The following DIAPH2 variants were observed in gnomAD, a reference collection of about 807,000 sequenced individuals.
DIAPH2 encodes the protein protein diaphanous homolog 2.
Under a neutral mutation model 92.7 loss-of-function variants are expected in DIAPH2, and 35 were observed. The ratio of observed to expected loss-of-function variants is 0.38; its 90% CI spans 0.29 to 0.50. The LOEUF (loss-of-function observed/expected upper bound fraction) is 0.50, where lower values mean the gene tolerates loss of function less well. Among genes scored for constraint, DIAPH2 ranks in the 20% least tolerant of loss-of-function variants. The pLI is 0.94. For missense variants in DIAPH2, 701 were observed against 819.5 expected, an observed-to-expected ratio of 0.86 and a Z score of 1.77; for synonymous variants, 301 against 280.4, an observed-to-expected ratio of 1.07 and a Z score of -0.73.
chrX:97,506,409 C>G (rs1040810738), intron 26 of DIAPH2, among the ~76,000 whole-genome samples: 5 of 105,868 alleles, frequency 4.7e-5, no homozygotes, highest in Admixed American at 2.1e-4. Flanking sequence ...CCTTGGCCCC[C>G]GAAAGTGCTG....
At chrX:97,159,292 A>G (rs1403081946) in intron 22 of DIAPH2, among the ~76,000 whole-genome samples, 2 of 112,325 alleles carry the variant, frequency 1.8e-5, no homozygotes, top group Non-Finnish European at 3.8e-5. Context: ...TGTAGTAAAC[A>G]TTTAAATTAA....
chrX:97,000,393 T>G (rs1161259183), intron 17 of DIAPH2, among the ~76,000 whole-genome samples: 1 of 112,305 alleles, frequency 8.9e-6, no homozygotes, highest in East Asian at 2.8e-4. Context: ...CACGACTCAT[T>G]TAATCCCGCA....
chrX:96,754,954 G>GAAAAAAAAAAAAAAAAAAAAAAAAA (rs2064216966), intron 3 of DIAPH2, among the ~76,000 whole-genome samples: 1 of 82,347 alleles, frequency 1.2e-5, no homozygotes, highest in Non-Finnish European at 2.5e-5. Context: ...AAAAAAAAAG[G>GAAAAAAAAAAAAAAAAAAAAAAAAA]AAATAGATAC....
chrX:97,446,766 T>C (rs1479410308), intron 26 of DIAPH2, among the ~76,000 whole-genome samples: 3 of 109,950 alleles, frequency 2.7e-5, no homozygotes, highest in Non-Finnish European at 5.7e-5. Context: ...ATTTTAATTA[T>C]GCATAACTTC....
chrX:97,343,503 T>C (rs2069129709), intron 23 of DIAPH2, among the ~76,000 whole-genome samples: 1 of 110,831 alleles, frequency 9.0e-6, no homozygotes, highest in African/African-American at 3.3e-5. Context: ...ACCCCATCTC[T>C]ACTAAAAATA....
At chrX:97,448,074 A>G (rs2070328081) in intron 26 of DIAPH2, among the ~76,000 whole-genome samples, 1 of 112,424 alleles carries the variant, frequency 8.9e-6, no homozygotes, top group African/African-American at 3.2e-5. Context: ...AAAAGAAGGC[A>G]GATTTAACTT....
intron 17 of DIAPH2, among the ~76,000 whole-genome samples, chrX:97,039,538 T>G (rs2066434339): frequency 9.0e-6 from 1 of 111,356 alleles, no homozygotes; most frequent in African/African-American, 3.3e-5. Context: ...TCAAGAGAAA[T>G]TATACAAGTG....
At chrX:97,344,805 T>C (rs1211899336) in intron 23 of DIAPH2, among the ~76,000 whole-genome samples, 4 of 112,610 alleles carry the variant, frequency 3.6e-5, no homozygotes, top group East Asian at 2.8e-4. Flanking sequence ...AATTGTGTTA[T>C]GATAAATGGG....
At chrX:97,102,060 C>T (rs189272983) in intron 20 of DIAPH2, among the ~76,000 whole-genome samples, 128 of 112,166 alleles carry the variant, frequency 1.1e-3, no homozygotes, top group Admixed American at 6.2e-3. Flanking sequence ...ATATGGAAAA[C>T]CTCCGGTGTC....
At chrX:97,518,546 TTGTG>T (rs1385318288) in intron 26 of DIAPH2, among the ~76,000 whole-genome samples, 2 of 109,717 alleles carry the variant, frequency 1.8e-5, no homozygotes, top group African/African-American at 6.6e-5. Flanking sequence ...ATATATATGT[TTGTG>T]TGTGTATATA....
At chrX:97,473,449 C>T (rs989232736) in intron 26 of DIAPH2, among the ~76,000 whole-genome samples, 1 of 111,616 alleles carries the variant, frequency 9.0e-6, no homozygotes, top group East Asian at 2.8e-4. Flanking sequence ...ATTCTCCTGC[C>T]TCAGCCTCCT....
intron 25 of DIAPH2, among the ~76,000 whole-genome samples, chrX:97,389,883 A>G (rs2069639974): frequency 9.0e-6 from 1 of 111,202 alleles, no homozygotes; most frequent in African/African-American, 3.3e-5. Context: ...TGAAATCATC[A>G]GGATGTGGAA....
intron 1 of DIAPH2, among the ~76,000 whole-genome samples, chrX:96,695,897 C>T (rs1021769905): frequency 5.4e-5 from 6 of 111,875 alleles, no homozygotes; most frequent in Admixed American, 1.9e-4. Flanking sequence ...CCTATCCTCA[C>T]TCATCACCAC....
intron 26 of DIAPH2, among the ~76,000 whole-genome samples, chrX:97,585,067 T>TA: frequency 8.9e-6 from 1 of 111,865 alleles, no homozygotes; most frequent in Non-Finnish European, 1.9e-5. Flanking sequence ...TTGCTTGGCT[T>TA]TTACGTAATA....
At chrX:96,866,849 A>G (rs150658544) in intron 4 of DIAPH2, among the ~76,000 whole-genome samples, 1 of 112,121 alleles carries the variant, frequency 8.9e-6, no homozygotes, top group Non-Finnish European at 1.9e-5. Flanking sequence ...AGATTATACT[A>G]ATTTTTTCTC....
intron 26 of DIAPH2, among the ~76,000 whole-genome samples, chrX:97,437,999 A>C (rs980055667): frequency 9.1e-6 from 1 of 109,591 alleles, no homozygotes; most frequent in African/African-American, 3.3e-5. Flanking sequence ...GAAGAGAAGC[A>C]GTAAAAAGTG....
intron 1 of DIAPH2, among the ~76,000 whole-genome samples, chrX:96,690,033 C>T (rs1424478921): frequency 1.8e-5 from 2 of 108,669 alleles, no homozygotes; most frequent in Non-Finnish European, 3.8e-5. Flanking sequence ...TGAACCTATC[C>T]ATACATTCCT....
At position 97,601,066 on chromosome X, in the gene DIAPH2, A is replaced by C. The variant is rs1439092956; in HGVS notation, c.*1749A>C. ...GCACACACATGCACACACACATTTA[A>C]GGGACATAGCAGTAACACTGTTTTT... On this transcript the variant is annotated 3_prime_UTR_variant, in exon 27 of 27. Transcript: ENST00000324765. 1 of 112,610 alleles carries C rather than the reference A, an allele frequency of 8.9e-6. No individual in the cohort carries two copies. Among genetic ancestry groups the C allele is most frequent in the Non-Finnish European group, 1.9e-5 (1 of 53,257 alleles). The allele number at this position is 112,610 out of a possible 1,213,427, so 9.3% of individuals were successfully genotyped here.
intron 26 of DIAPH2, among the ~76,000 whole-genome samples, chrX:97,453,426 T>C (rs1292529088): frequency 9.0e-6 from 1 of 110,898 alleles, no homozygotes; most frequent in Non-Finnish European, 1.9e-5. Flanking sequence ...TGAGGATTTT[T>C]TACTACTTAC....
Sources: allele counts gnomAD v4.1 joint callset (sites outside exome capture counted in the v4.1 genomes callset), GRCh38; gene constraint gnomAD v4.1.1; transcripts MANE v1.5; gene names NCBI Gene and HGNC (gene_info 2026-07-23, HGNC 2026-07-21).